The following ASNS variants were observed in gnomAD, a reference collection of about 807,000 sequenced individuals.
The protein encoded by ASNS is asparagine synthetase [glutamine-hydrolyzing].
A neutral mutation model predicts 62.6 loss-of-function variants in ASNS; 37 were observed. The ratio of observed to expected loss-of-function variants is 0.59; its 90% CI spans 0.45 to 0.78. The LOEUF is 0.78. Among genes scored for constraint, ASNS ranks in the 30% least tolerant of loss-of-function variants. ASNS has a pLI of 0.00. For missense variants in ASNS, 520 were observed against 682.4 expected (o/e 0.76, Z 2.65); for synonymous variants, 207 against 237.9 (o/e 0.87, Z 1.19).
chr7:97,855,319 T>C (rs1584459529), intron 9 of ASNS, 34 bp downstream of exon 9: 4 of 1,388,048 alleles, frequency 2.9e-6, no homozygotes, highest in Non-Finnish European at 4.1e-6. Flanking sequence ...TTTCTTAATA[T>C]AGCATGAATA....
In ASNS at chr7:97,855,440, C is replaced by G. The variant is rs1170787525; in HGVS notation, c.1050G>C (p.Lys350Asn). The part of the protein sequence containing the change: ...RASVGMYLIS[K>N]YIRKNTDSVV... ...CGCTATCTGTGTTCTTCCGAATATA[C>G]TTGGAAATTAAATACATACCTTAAA... Residue 350 changes from lysine to asparagine, a missense_variant, in exon 9 of 13, where the codon AAG becomes AAC. By Grantham distance (94) the Lys-to-Asn change is moderately conservative. Coordinates refer to ENST00000394308, the MANE Select transcript of ASNS (RefSeq NM_001673.5). 30 of 1,610,298 alleles carry G rather than the reference C, an allele frequency of 1.9e-5. No homozygotes were observed. The highest frequency in any genetic ancestry group is 2.4e-5 in the Non-Finnish European group (28 of 1,178,670).
the ASNS span, among the ~76,000 whole-genome samples, chr7:97,883,092 G>A: frequency 6.6e-6 from 1 of 152,114 alleles, no homozygotes; most frequent in African/African-American, 2.4e-5. Flanking sequence ...TAACACTGGT[G>A]CACATCTAAA....
At chr7:97,886,887 C>T in the ASNS span, among the ~76,000 whole-genome samples, 6 of 152,272 alleles carry the variant, frequency 3.9e-5, no homozygotes, top group South Asian at 2.1e-4. Context: ...TTATTTAGAA[C>T]GTTGGCTGAT....
chr7:97,888,555 A>G, the ASNS span, among the ~76,000 whole-genome samples: 27 of 152,352 alleles, frequency 1.8e-4, no homozygotes, highest in South Asian at 5.6e-3. Flanking sequence ...TATCTAGACC[A>G]AAAGCCTAAA....
intron 7 of ASNS, 50 bp from the exon 8 acceptor site, chr7:97,856,866 C>T: frequency 6.6e-7 from 1 of 1,514,924 alleles, no homozygotes; most frequent in Non-Finnish European, 9.0e-7. Flanking sequence ...AATAACTTCC[C>T]TTGAAAATCA....
intron 7 of ASNS, among the ~76,000 whole-genome samples, 172 bp from the exon 8 acceptor site, chr7:97,856,988 G>A (rs1791471006): frequency 6.6e-6 from 1 of 152,138 alleles, no homozygotes; most frequent in African/African-American, 2.4e-5. Flanking sequence ...ATCCAGCACT[G>A]TTCCCTCGCC....
intron 3 of ASNS, among the ~76,000 whole-genome samples, chr7:97,868,485 T>C (rs929757815): frequency 4.0e-5 from 6 of 151,042 alleles, no homozygotes; most frequent in Non-Finnish European, 7.4e-5. Flanking sequence ...TGTCATAATA[T>C]CTGCACTGTA....
the ASNS span, among the ~76,000 whole-genome samples, chr7:97,896,711 T>TACACAC: frequency 2.8e-3 from 126 of 44,280 alleles, 3 homozygotes; most frequent in African/African-American, 7.1e-3. Context: ...TGTATATATA[T>TACACAC]ACACACACAC....
chr7:97,872,314 G>C (rs866888217), intron 1 of ASNS, 37 bp downstream of exon 1: 1 of 153,348 alleles, frequency 6.5e-6, no homozygotes. Context: ...GGATGCTGGC[G>C]CGGGGCGCAG....
the ASNS span, among the ~76,000 whole-genome samples, chr7:97,927,125 G>T: frequency 8.9e-6 from 1 of 112,798 alleles, no homozygotes; most frequent in Non-Finnish European, 1.7e-5. Flanking sequence ...TCACCATGTT[G>T]CCCAGGCTGG....
At chr7:97,927,940 C>G in the ASNS span, 1 of 621,458 alleles carries the variant, frequency 1.6e-6, no homozygotes, top group Non-Finnish European at 2.8e-6. Context: ...GCTGCCCGTG[C>G]TGCCTAAATG....
chr7:97,908,674 T>C, the ASNS span: 2 of 152,190 alleles, frequency 1.3e-5, no homozygotes, highest in African/African-American at 4.8e-5. Flanking sequence ...AGTGCTAAGA[T>C]TACAGGCATG....
At chr7:97,892,113 A>G in the ASNS span, among the ~76,000 whole-genome samples, 4 of 152,176 alleles carry the variant, frequency 2.6e-5, no homozygotes, top group Non-Finnish European at 1.5e-5. Context: ...CCAAACCTCA[A>G]TTTTTGACTT....
chr7:97,856,664 T>C, intron 8 of ASNS, 26 bp downstream of exon 8: 2 of 1,520,684 alleles, frequency 1.3e-6, no homozygotes, highest in Non-Finnish European at 1.8e-6. Context: ...AAAAGCTTTT[T>C]ATTTAAGAAT....
At chr7:97,901,450 C>G in the ASNS span, among the ~76,000 whole-genome samples, 1 of 152,144 alleles carries the variant, frequency 6.6e-6, no homozygotes, top group Admixed American at 6.5e-5. Flanking sequence ...GCCTTGGCCT[C>G]CCAAAGTGCT....
At chr7:97,894,029 C>T in the ASNS span, among the ~76,000 whole-genome samples, 34 of 152,392 alleles carry the variant, frequency 2.2e-4, no homozygotes, top group South Asian at 2.9e-3. Context: ...CAAGTATCTT[C>T]TCAGACCACA....
At chr7:97,899,206 T>C in the ASNS span, 1 of 226,550 alleles carries the variant, frequency 4.4e-6, no homozygotes, top group Non-Finnish European at 8.7e-6. Flanking sequence ...GCTCTTAAAC[T>C]CCTGATGTCA....
the ASNS span, among the ~76,000 whole-genome samples, chr7:97,924,668 G>T: frequency 1.3e-5 from 2 of 152,152 alleles, no homozygotes; most frequent in Non-Finnish European, 2.9e-5. Flanking sequence ...GATGTGGTGG[G>T]GAACAGGCAA....
chr7:97,893,944 G>GA, the ASNS span, among the ~76,000 whole-genome samples: 1 of 152,266 alleles, frequency 6.6e-6, no homozygotes, highest in Admixed American at 6.5e-5. Context: ...TCAACACATG[G>GA]AACATTCTCC....
Sources: allele counts gnomAD v4.1 joint callset (sites outside exome capture counted in the v4.1 genomes callset), GRCh38; gene constraint gnomAD v4.1.1; transcripts MANE v1.5; gene names NCBI Gene and HGNC (gene_info 2026-07-23, HGNC 2026-07-21).